SHROOM3: variants seen among roughly 807,000 people sequenced by gnomAD.
The protein encoded by SHROOM3 is protein Shroom3.
In SHROOM3, 47 loss-of-function variants were observed where a neutral mutation model predicts 138.6. The ratio of observed to expected loss-of-function variants is 0.34; its 90% CI spans 0.27 to 0.43. The LOEUF is 0.43. Ranked by LOEUF, SHROOM3 falls within the 20% of genes least tolerant of loss-of-function variation. The probability of loss-of-function intolerance (pLI) is 1.00; values close to 1 mark genes in which losing one functional copy is unlikely to be tolerated. For missense variants in SHROOM3, 2,491 were observed against 2,596.5 expected (o/e 0.96, Z 0.88); for synonymous variants, 1,062 against 1,063.3 (o/e 1.00, Z 0.02).
At chr4:76,627,236 T>G (rs1030282283) in intron 2 of SHROOM3, among the ~76,000 whole-genome samples, 1 of 152,316 alleles carries the variant, frequency 6.6e-6, no homozygotes, top group Non-Finnish European at 1.5e-5. Context: ...CGTGAACTTC[T>G]GGAGAGCAGC....
chr4:76,521,259 A>G (rs1331896040), intron 1 of SHROOM3, among the ~76,000 whole-genome samples: 2 of 149,622 alleles, frequency 1.3e-5, no homozygotes, highest in Non-Finnish European at 3.0e-5. Context: ...GTTTCAAGAG[A>G]TGTGAAGCCT....
At chr4:76,773,134 T>C (rs958266071) in intron 10 of SHROOM3, among the ~76,000 whole-genome samples, 12 of 152,038 alleles carry the variant, frequency 7.9e-5, no homozygotes, top group African/African-American at 2.9e-4. Context: ...CCCAGCACTT[T>C]GGGAGGCCAA....
intron 5 of SHROOM3, among the ~76,000 whole-genome samples, chr4:76,748,707 T>G (rs1721525103): frequency 6.6e-6 from 1 of 152,202 alleles, no homozygotes; most frequent in Non-Finnish European, 1.5e-5. Context: ...GTTTAGCAGT[T>G]GTTTTGAACT....
chr4:76,778,221 G>GT (rs1491142844), intron 10 of SHROOM3, among the ~76,000 whole-genome samples: 1 of 142,176 alleles, frequency 7.0e-6, no homozygotes, highest in African/African-American at 2.6e-5. Context: ...GTACCTTGAT[G>GT]ATTTTTTTTT....
At position 76,577,316 on chromosome 4, in the gene SHROOM3, C is replaced by T. The variant is rs542776015; in HGVS notation, c.323+21553C>T. ...CAAATTTCCCCATCCACCAAAGGGA[C>T]GAGGTGCTGGGGAAGGTCTGATTGT... On this transcript the variant is annotated intron_variant, in intron 2 of 10. Coordinates refer to ENST00000296043, the MANE Select transcript of SHROOM3 (RefSeq NM_020859.4). Among the ~76,000 whole-genome samples the T allele has an allele frequency of 5.9e-5, 9 of 152,290 alleles. No individual in the cohort carries two copies. The South Asian group carries it at 1.9e-3, about 32-fold the overall frequency.
intron 2 of SHROOM3, among the ~76,000 whole-genome samples, chr4:76,632,232 G>A (rs1232599067): frequency 6.6e-6 from 1 of 152,168 alleles, no homozygotes; most frequent in East Asian, 1.9e-4. Context: ...GAGAGAGAAA[G>A]TTGAGAATTA....
At chr4:76,556,683 T>C (rs2110030246) in intron 2 of SHROOM3, among the ~76,000 whole-genome samples, 1 of 152,372 alleles carries the variant, frequency 6.6e-6, no homozygotes, top group Non-Finnish European at 1.5e-5. Context: ...AAGAATGTTC[T>C]AGTTGGCTGA....
chr4:76,629,635 G>A (rs1735254358), intron 2 of SHROOM3, among the ~76,000 whole-genome samples: 1 of 152,182 alleles, frequency 6.6e-6, no homozygotes, highest in South Asian at 2.1e-4. Context: ...AGGGAGATGG[G>A]AGATGTGGTT....
intron 1 of SHROOM3, among the ~76,000 whole-genome samples, chr4:76,455,108 C>T (rs1731002760): frequency 6.6e-6 from 1 of 152,068 alleles, no homozygotes; most frequent in African/African-American, 2.4e-5. Context: ...TTACTTCTTC[C>T]TTTCCAGTTT....
intron 2 of SHROOM3, among the ~76,000 whole-genome samples, chr4:76,620,627 G>T (rs924612662): frequency 6.6e-6 from 1 of 152,160 alleles, no homozygotes; most frequent in Non-Finnish European, 1.5e-5. Context: ...GGCAATTGAG[G>T]TGGAGCCGTT....
intron 1 of SHROOM3, among the ~76,000 whole-genome samples, chr4:76,536,370 T>G (rs1732953580): frequency 6.6e-6 from 1 of 152,202 alleles, no homozygotes; most frequent in Admixed American, 6.5e-5. Context: ...TAAGGTGGTA[T>G]CAAGGTGAAG....
chr4:76,643,330 T>G (rs955045853), intron 2 of SHROOM3, among the ~76,000 whole-genome samples: 2 of 152,142 alleles, frequency 1.3e-5, no homozygotes, highest in Non-Finnish European at 1.5e-5. Context: ...AACACCCCTT[T>G]GTAGTATTAT....
At chr4:76,453,044 G>T (rs891862075) in intron 1 of SHROOM3, among the ~76,000 whole-genome samples, 2 of 152,110 alleles carry the variant, frequency 1.3e-5, no homozygotes, top group Non-Finnish European at 2.9e-5. Flanking sequence ...ATAAGAACTT[G>T]TGTGTACAGA....
At chr4:76,534,805 G>A (rs1732915910) in intron 1 of SHROOM3, among the ~76,000 whole-genome samples, 1 of 152,026 alleles carries the variant, frequency 6.6e-6, no homozygotes, top group South Asian at 2.1e-4. Flanking sequence ...ACCCCTGCAG[G>A]CTATACTCAG....
chr4:76,694,592 A>T (rs1294540604), intron 2 of SHROOM3, among the ~76,000 whole-genome samples: 2 of 152,224 alleles, frequency 1.3e-5, no homozygotes, highest in Non-Finnish European at 2.9e-5. Flanking sequence ...CTACGTTTGA[A>T]TCTGAGCTCT....
At chr4:76,644,802 A>T (rs1735777027) in intron 2 of SHROOM3, among the ~76,000 whole-genome samples, 1 of 152,176 alleles carries the variant, frequency 6.6e-6, no homozygotes, top group African/African-American at 2.4e-5. Flanking sequence ...AACATATCTG[A>T]TGTGACCTAG....
chr4:76,556,628 C>A (rs72659786), intron 2 of SHROOM3, among the ~76,000 whole-genome samples: 11,236 of 152,236 alleles, frequency 0.074, 590 homozygotes, highest in South Asian at 0.17. Flanking sequence ...ATATTTCTTC[C>A]TTAGATTTCA....
At chr4:76,442,484 A>G (rs1260460407) in intron 1 of SHROOM3, among the ~76,000 whole-genome samples, 2 of 144,152 alleles carry the variant, frequency 1.4e-5, no homozygotes, top group African/African-American at 2.6e-5. Flanking sequence ...ATCTCGGGTC[A>G]CTGTAAGCTC....
intron 2 of SHROOM3, among the ~76,000 whole-genome samples, chr4:76,653,801 A>G (rs1003856016): frequency 1.3e-5 from 2 of 152,028 alleles, no homozygotes; most frequent in Admixed American, 6.5e-5. Context: ...CCCAGACTCA[A>G]GTGATCTGCC....
Sources: gnomAD v4.1 joint callset for allele counts (sites outside exome capture counted in the v4.1 genomes callset) on GRCh38, gnomAD v4.1.1 for gene constraint, MANE v1.5 for transcripts, NCBI Gene and HGNC (gene_info 2026-07-23, HGNC 2026-07-21) for gene names.